CACNA1S: variants seen among roughly 807,000 people sequenced by gnomAD.
CACNA1S encodes calcium voltage-gated channel subunit alpha1 S.
A neutral mutation model predicts 207.4 loss-of-function variants in CACNA1S; 126 were observed. That is an observed-to-expected ratio of 0.61 (90% CI 0.53 to 0.70). The LOEUF is 0.70. CACNA1S is among the 30% of genes least tolerant of loss of function. The pLI, the probability that CACNA1S is intolerant of heterozygous loss-of-function variation, is 0.00. For synonymous variants in CACNA1S, 960 were observed against 932.7 expected (o/e 1.03, Z -0.53); for missense variants, 2,349 against 2,422.8 (o/e 0.97, Z 0.64).
chr1:201,073,888 T>C (rs554316411), intron 14 of CACNA1S, among the ~76,000 whole-genome samples: 1 of 152,226 alleles, frequency 6.6e-6, no homozygotes, highest in Admixed American at 6.5e-5. Flanking sequence ...TTAACGTTGG[T>C]TGATAGTGAA....
intron 23 of CACNA1S, 25 bp from the exon 24 acceptor site, chr1:201,062,115 C>T (rs1171846924): frequency 6.2e-7 from 1 of 1,610,846 alleles, no homozygotes. Context: ...CCCAGTCACT[C>T]CACAGGGCAT....
chr1:201,062,609 G>A (rs1197260485), intron 22 of CACNA1S, 95 bp from the exon 23 acceptor site: 3 of 1,074,216 alleles, frequency 2.8e-6, no homozygotes, highest in Non-Finnish European at 2.8e-6. Flanking sequence ...GAAGGGGGGA[G>A]GGAAGGCAGG....
At chr1:201,073,528 A>G (rs779290169) in intron 15 of CACNA1S, 21 bp downstream of exon 15, 1 of 1,592,934 alleles carries the variant, frequency 6.3e-7, no homozygotes. Flanking sequence ...TGCCTCTAAC[A>G]TCCCCACCTG....
In CACNA1S at chr1:201,089,380, C is replaced by T; in HGVS notation, c.778G>A (p.Glu260Lys). 1 of 1,614,246 alleles carries T rather than the reference C, an allele frequency of 6.2e-7. No individual in the cohort carries two copies. Among genetic ancestry groups the T allele is most frequent in the South Asian group, 1.1e-5 (1 of 91,090 alleles). ...SGRRCTINGS[E>K]CRGGWPGPNH... ...GGCCCTGGCCAGCCGCCCCGGCACT[C>T]ACTGCCATTGATGGTGCACCGGCGC... Residue 260 changes from glutamate to lysine, a missense_variant, in exon 6 of 44, where the codon GAG (glutamate) becomes AAG (lysine). Physicochemically the swap from Glu to Lys is moderately conservative, Grantham distance 56. Transcript: ENST00000362061.
At chr1:201,110,032 G>A in intron 2 of CACNA1S, 132 bp downstream of exon 2, 2 of 820,170 alleles carry the variant, frequency 2.4e-6, no homozygotes, top group Non-Finnish European at 4.3e-6. Flanking sequence ...GCAGGTGGCT[G>A]GGGATGCAGG....
chr1:201,110,260 C>T lies in CACNA1S; in HGVS notation c.162G>A (p.Glu54=), dbSNP rs569061608. Residue 54 remains glutamate (E), a synonymous_variant, in exon 2 of 44, where the codon GAG becomes GAA. Coordinates refer to ENST00000362061, the MANE Select transcript of CACNA1S (RefSeq NM_000069.3). The part of the protein sequence containing the change: ...CISIVEWKPF[E]TIILLTIFAN... ...CAAAGATGGTGAGCAAGATGATCGT[C>T]TCGAAGGGCCTGGAGCCAGGGTTAA... is the stretch of plus-strand genomic sequence containing the variant. 6.2e-7 allele frequency: 1 copy of T among 1,614,212 alleles called. No individual in the cohort carries two copies. Among genetic ancestry groups the T allele is most frequent in the Admixed American group, 1.7e-5 (1 of 60,034 alleles).
intron 2 of CACNA1S, among the ~76,000 whole-genome samples, chr1:201,100,661 G>A (rs1359611393): frequency 6.6e-6 from 1 of 152,192 alleles, no homozygotes; most frequent in African/African-American, 2.4e-5. Context: ...CTAGACAGAG[G>A]GACAATGGGG....
chr1:201,075,539 A>G lies in CACNA1S; in HGVS notation c.1904T>C (p.Met635Thr), dbSNP rs144590408. The G allele has an allele frequency of 4.2e-5, 68 of 1,613,864 alleles. No homozygotes were observed. The highest frequency in any genetic ancestry group is 5.7e-5 in the Non-Finnish European group (67 of 1,179,996). The change falls in exon 13 of 44, where the codon ATG (methionine) becomes ACG (threonine). Residue 635 changes from methionine (M) to threonine (T), a missense_variant. Coordinates refer to ENST00000362061, the MANE Select transcript of CACNA1S (RefSeq NM_000069.3). ...GATGATGAAGTAAATGCACACAAGC[A>G]TGCCAGGGTAGGACGGCCCGCCGTA... ...MAYGGPSYPGMLVCIYFIILF... is the reference protein window; with the variant it reads ...MAYGGPSYPGTLVCIYFIILF...
rs1174808695 is a variant in CACNA1S at position 201,054,540 on chromosome 1, C to T, written c.3631G>A (p.Gly1211Arg). The T allele has an allele frequency of 1.2e-6, 2 of 1,613,826 alleles. No individual in the cohort carries two copies. The highest frequency in any genetic ancestry group is 8.5e-7 in the Non-Finnish European group (1 of 1,179,904). Residue 1211 changes from glycine (G) to arginine (R), a missense_variant, in exon 29 of 44, where the codon GGA becomes AGA. By Grantham distance (125) the Gly-to-Arg change is moderately radical. Transcript: ENST00000362061. ...EIDTFLASSGGLYCLGGGCGN... is the reference protein window; with the variant it reads ...EIDTFLASSGRLYCLGGGCGN... ...CAGCCTCCACCCAGGCAATACAGTC[C>T]CCCGCTGGAGGCCAGGAAAGTCTGT...
intron 32 of CACNA1S, 49 bp downstream of exon 32, chr1:201,052,508 G>T (rs754935996): frequency 6.9e-7 from 1 of 1,442,424 alleles, no homozygotes; most frequent in South Asian, 1.1e-5. Context: ...ACAGAGCAAA[G>T]GCTGGACTGG....
chr1:201,058,577 G>A (rs995451996), intron 27 of CACNA1S, 86 bp from the exon 28 acceptor site: 99 of 1,090,210 alleles, frequency 9.1e-5, no homozygotes, highest in Admixed American at 1.4e-4. Context: ...TGTCCCACCC[G>A]AGCTAATGCG....
intron 16 of CACNA1S, among the ~76,000 whole-genome samples, chr1:201,072,070 G>A (rs9427712): frequency 0.25 from 37,542 of 152,086 alleles, 6,040 homozygotes; most frequent in Non-Finnish European, 0.37. Context: ...CCGGTGATCC[G>A]AAGGACCCAG....
intron 2 of CACNA1S, among the ~76,000 whole-genome samples, chr1:201,104,355 C>T (rs1378215017): frequency 1.3e-5 from 2 of 152,218 alleles, no homozygotes; most frequent in African/African-American, 4.8e-5. Context: ...ACTACTTCCC[C>T]TCCCCAATCC....
At chr1:201,100,335 G>A (rs1048844799) in intron 2 of CACNA1S, among the ~76,000 whole-genome samples, 5 of 152,224 alleles carry the variant, frequency 3.3e-5, no homozygotes, top group Non-Finnish European at 7.3e-5. Flanking sequence ...CAGCGTTTCT[G>A]GTAGGCCGGC....
In CACNA1S at chr1:201,110,216, G is replaced by T. The variant is rs12406479; in HGVS notation, c.206C>A (p.Ala69Asp). 2.5e-6 allele frequency: 4 copies of T among 1,614,174 alleles called. No homozygotes were observed. The highest frequency in any genetic ancestry group is 3.4e-6 in the Non-Finnish European group (4 of 1,179,996). ...ATCTTCCGGCATGGGCAGGTACACG[G>T]CCAGGGCCACACAATTGGCAAAGAT... Reference protein sequence around the residue: ...LTIFANCVALAVYLPMPEDDN... With the variant: ...LTIFANCVALDVYLPMPEDDN... The change falls in exon 2 of 44, where the codon GCC becomes GAC. Residue 69 changes from alanine (A) to aspartate (D), a missense_variant. By Grantham distance (126) the Ala-to-Asp change is moderately radical. Coordinates refer to ENST00000362061, the MANE Select transcript of CACNA1S (RefSeq NM_000069.3).
Position 201,083,159 on chromosome 1 carries a change from C to T in CACNA1S, c.1393+3G>A. ...CTCCCGGCTTCACTCCGTTCCGCCTCACCTTGCAAACGGGTCAGCCAGAGA... is the reference window on the plus strand; with the variant it reads ...CTCCCGGCTTCACTCCGTTCCGCCTTACCTTGCAAACGGGTCAGCCAGAGA... On this transcript the variant is annotated splice_donor_region_variant and intron_variant, in intron 10 of 43. Transcript: ENST00000362061. The T allele has an allele frequency of 1.2e-6, 2 of 1,614,152 alleles. No homozygotes were observed. The highest frequency in any genetic ancestry group is 1.7e-6 in the Non-Finnish European group (2 of 1,180,030).
At chr1:201,088,227 TCTCCCTCATAGA>T (rs1662102756) in intron 6 of CACNA1S, among the ~76,000 whole-genome samples, 1 of 152,112 alleles carries the variant, frequency 6.6e-6, no homozygotes, top group South Asian at 2.1e-4. Context: ...CCTCACTTGA[TCTCCCTCATAGA>T]CTCTATCTCC....
At chr1:201,040,127 AC>A (rs779598867) in intron 43 of CACNA1S, 45 bp from the exon 44 acceptor site, 40 of 1,612,376 alleles carry the variant, frequency 2.5e-5, no homozygotes, top group Admixed American at 3.3e-5. Context: ...CTGGGGAGCC[AC>A]ATTTGGGGAC....
At chr1:201,083,995 A>C (rs185709357) in intron 9 of CACNA1S, among the ~76,000 whole-genome samples, 21 of 152,308 alleles carry the variant, frequency 1.4e-4, no homozygotes, top group Admixed American at 3.3e-4. Flanking sequence ...GTATCGCCAA[A>C]GAGGGGAAAA....
Sources: allele counts gnomAD v4.1 joint callset (sites outside exome capture counted in the v4.1 genomes callset), GRCh38; gene constraint gnomAD v4.1.1; transcripts MANE v1.5; gene names NCBI Gene and HGNC (gene_info 2026-07-23, HGNC 2026-07-21).